Variants in EPHX4 observed in about 807,000 individuals in gnomAD.
EPHX4 encodes the protein abhydrolase domain containing 7.
In EPHX4, 31 loss-of-function variants were observed where a neutral mutation model predicts 44.9. That is an observed-to-expected ratio of 0.69 (90% CI 0.52 to 0.93). The LOEUF (loss-of-function observed/expected upper bound fraction) is 0.93. EPHX4 is among the 40% of genes least tolerant of loss of function. The pLI, the probability that EPHX4 is intolerant of heterozygous loss-of-function variation, is 0.00. For synonymous variants in EPHX4, 151 were observed against 159.7 expected (o/e 0.95, Z 0.41); for missense variants, 373 against 438.1 (o/e 0.85, Z 1.33).
chr1:92,053,237 G>A (rs1187888447), intron 6 of EPHX4, among the ~76,000 whole-genome samples: 1 of 152,134 alleles, frequency 6.6e-6, no homozygotes, highest in African/African-American at 2.4e-5. Context: ...GGGACAGGGG[G>A]ACAGGCATTC....
intron 2 of EPHX4, among the ~76,000 whole-genome samples, chr1:92,040,673 C>A (rs1381912128): frequency 6.6e-6 from 1 of 152,052 alleles, no homozygotes; most frequent in African/African-American, 2.4e-5. Context: ...GTTGCCTAGG[C>A]TGGTCTCAGA....
chr1:92,031,287 C>T (rs943172355), intron 1 of EPHX4, among the ~76,000 whole-genome samples: 4 of 152,086 alleles, frequency 2.6e-5, no homozygotes, highest in Non-Finnish European at 5.9e-5. Flanking sequence ...TTGCAGTGCC[C>T]ATAACATTTA....
intron 4 of EPHX4, among the ~76,000 whole-genome samples, chr1:92,047,472 T>G (rs1431250939): frequency 2.0e-5 from 3 of 151,922 alleles, no homozygotes; most frequent in African/African-American, 7.3e-5. Context: ...CTTGGGACAA[T>G]CATTGTATTT....
At position 92,042,368 on chromosome 1, in the gene EPHX4, C is replaced by T. The variant is rs146255262; in HGVS notation, c.318-455C>T. ...CCTTCTCAAGTAGGTCTCTTTCCTG[C>T]TTACTTGCAGCTATATATCTGTTCT... On this transcript the variant is annotated intron_variant, in intron 2 of 6. Coordinates refer to ENST00000370383, the MANE Select transcript of EPHX4 (RefSeq NM_173567.5). Among the ~76,000 whole-genome samples the T allele has an allele frequency of 7.9e-5, 12 of 152,134 alleles. No homozygotes were observed. The East Asian group carries it at 2.3e-3, about 29-fold the overall frequency.
chr1:92,047,039 GC>G (rs1284343857), intron 4 of EPHX4, among the ~76,000 whole-genome samples: 1 of 152,158 alleles, frequency 6.6e-6, no homozygotes, highest in East Asian at 1.9e-4. Flanking sequence ...AAGCTGTGAA[GC>G]TCACAGTAGC....
At chr1:92,060,984 G>A (rs928724359) in intron 6 of EPHX4, among the ~76,000 whole-genome samples, 4 of 151,690 alleles carry the variant, frequency 2.6e-5, no homozygotes, top group East Asian at 3.9e-4. Flanking sequence ...GGGTTCAAGC[G>A]ATTCTCCTGC....
At chr1:92,063,009 T>A (rs775782192) in intron 6 of EPHX4, 46 bp from the exon 7 acceptor site, 11 of 1,533,010 alleles carry the variant, frequency 7.2e-6, no homozygotes, top group Admixed American at 1.8e-5. Context: ...AAATGTCATT[T>A]TAACTTTGAC....
intron 4 of EPHX4, among the ~76,000 whole-genome samples, chr1:92,048,151 T>C (rs72954776): frequency 0.019 from 2,848 of 152,244 alleles, 50 homozygotes; most frequent in African/African-American, 0.043. Flanking sequence ...ACTATGTAAA[T>C]ATATAAGTCA....
Position 92,030,284 on chromosome 1 carries a change from G to T in EPHX4, c.205G>T (p.Gly69Cys), listed in dbSNP as rs201209081. ...CGCGTGCCTGAGCGACCCCTCCTTG[G>T]GCACCCACTGCTACGTGCGGATCAA... ...PPACLSDPSL[G>C]THCYVRIKDS... Residue 69 changes from glycine to cysteine, a missense_variant, in exon 1 of 7, where the codon GGC becomes TGC. Gly to Cys is a radical substitution (Grantham distance 159). Coordinates refer to ENST00000370383, the MANE Select transcript of EPHX4 (RefSeq NM_173567.5). 3.8e-5 allele frequency: 60 copies of T among 1,593,390 alleles called. No individual in the cohort carries two copies. Among genetic ancestry groups the T allele is most frequent in the Non-Finnish European group, 4.9e-5 (57 of 1,170,894 alleles).
Position 92,032,701 on chromosome 1 carries a change from T to C in EPHX4, c.317+111T>C, listed in dbSNP as rs537751974. ...CAGTCTGGGTAACTTAAAATGAACA[T>C]AAATGATTTTCTCAGAGTTCTGGAG... is the stretch of plus-strand genomic sequence containing the variant. On this transcript the variant is annotated intron_variant, in intron 2 of 6. Transcript: ENST00000370383. 27 of 945,144 alleles carry C rather than the reference T, an allele frequency of 2.9e-5. No homozygotes were observed. The South Asian group carries it at 3.8e-4, about 13-fold the overall frequency. The allele number at this position is 945,144 out of a possible 1,614,324, so 58.5% of individuals were successfully genotyped here.
intron 2 of EPHX4, among the ~76,000 whole-genome samples, chr1:92,040,795 T>G (rs572347000): frequency 6.6e-6 from 1 of 152,224 alleles, no homozygotes; most frequent in Admixed American, 6.5e-5. Flanking sequence ...TGTGTGTCAC[T>G]TCACATCGCA....
At chr1:92,062,442 A>T (rs148333544) in intron 6 of EPHX4, among the ~76,000 whole-genome samples, 2,050 of 152,032 alleles carry the variant, frequency 0.013, 39 homozygotes, top group African/African-American at 0.047. Context: ...AAAATTAGCC[A>T]GGCGCATTGG....
intron 2 of EPHX4, among the ~76,000 whole-genome samples, chr1:92,039,925 A>T (rs1022090131): frequency 2.6e-5 from 4 of 152,204 alleles, no homozygotes; most frequent in African/African-American, 9.6e-5. Flanking sequence ...AAGTGCTAGG[A>T]TTACAGGCGT....
intron 2 of EPHX4, among the ~76,000 whole-genome samples, chr1:92,032,846 G>A (rs551328275): frequency 1.3e-5 from 2 of 152,226 alleles, no homozygotes; most frequent in Non-Finnish European, 2.9e-5. Flanking sequence ...TTTCATAGTG[G>A]CATTATTTCC....
intron 3 of EPHX4, 146 bp downstream of exon 3, chr1:92,043,126 C>G (rs1413299801): frequency 3.3e-6 from 2 of 611,808 alleles, no homozygotes; most frequent in African/African-American, 3.7e-5. Flanking sequence ...TTAGTCAGCC[C>G]AAAATATCTG....
intron 6 of EPHX4, among the ~76,000 whole-genome samples, chr1:92,054,635 TAC>T (rs937080162): frequency 1.4e-5 from 2 of 145,076 alleles, no homozygotes; most frequent in African/African-American, 5.1e-5. Context: ...GCAGTCAGAA[TAC>T]AGTCACAGCC....
chr1:92,063,113 A>G lies in EPHX4; in HGVS notation c.916A>G (p.Asn306Asp). The G allele has an allele frequency of 1.2e-6, 2 of 1,614,144 alleles. No homozygotes were observed. Among genetic ancestry groups the G allele is most frequent in the Non-Finnish European group, 1.7e-6 (2 of 1,180,026 alleles). ...TCCAACACTACTACTGTGGGGAGAG[A>G]ATGACGCATTCATGGAGGTTGAGAT... is the stretch of plus-strand genomic sequence containing the variant. ...TTPTLLLWGE[N>D]DAFMEVEMAE... is the part of the protein sequence containing the mutation. Residue 306 changes from asparagine (N) to aspartate (D), a missense_variant, in exon 7 of 7, where the codon AAT becomes GAT. Coordinates refer to ENST00000370383, the MANE Select transcript of EPHX4 (RefSeq NM_173567.5).
Position 92,030,222 on chromosome 1 carries a change from CGCAGACCTTCCGGCGGCCCGCCCG to C in EPHX4, c.145_168del (p.Gln49_Arg56del). On this transcript the variant is annotated inframe_deletion, in exon 1 of 7. Transcript: ENST00000370383. ...TTGTGGAGCCTCGGCAAGGGGCCGGCGCAGACCTTCCGGCGGCCCGCCCGGGAGCACCCTCCCGCGTGCCTGAGC... is the reference window on the plus strand; with the variant it reads ...TTGTGGAGCCTCGGCAAGGGGCCGGCGGAGCACCCTCCCGCGTGCCTGAGC... The C allele has an allele frequency of 6.2e-7, 1 of 1,605,044 alleles. No homozygotes were observed. Among genetic ancestry groups the C allele is most frequent in the Non-Finnish European group, 8.5e-7 (1 of 1,175,982 alleles).
chr1:92,030,046 G>C lies in EPHX4; in HGVS notation c.-34G>C. On this transcript the variant is annotated 5_prime_UTR_variant, in exon 1 of 7. Transcript: ENST00000370383. ...CTGCGGCGCTCGCTCACCCGCTCCC[G>C]AGGAAGGGCAGTGGGCCCCGCCGCC... 2 of 1,486,132 alleles carry C rather than the reference G, an allele frequency of 1.3e-6. No individual in the cohort carries two copies. The highest frequency in any genetic ancestry group is 1.8e-6 in the Non-Finnish European group (2 of 1,115,056). 92.1% of individuals were successfully genotyped at this position (1,486,132 alleles called of 1,614,324 possible).
Sources: gnomAD v4.1 joint callset for allele counts (sites outside exome capture counted in the v4.1 genomes callset) on GRCh38, gnomAD v4.1.1 for gene constraint, MANE v1.5 for transcripts, NCBI Gene and HGNC (gene_info 2026-07-23, HGNC 2026-07-21) for gene names.